Variants in KCNK4 observed in about 807,000 individuals in gnomAD.
The protein encoded by KCNK4 is potassium channel subfamily K member 4.
In KCNK4, 22 loss-of-function variants were observed where a neutral mutation model predicts 28.8. The ratio of observed to expected loss-of-function variants is 0.76; its 90% confidence interval spans 0.55 to 1.09. The LOEUF (loss-of-function observed/expected upper bound fraction) is 1.09, where lower values mean the gene tolerates loss of function less well. Ranked by LOEUF, KCNK4 falls within the 50% of genes least tolerant of loss-of-function variation. The pLI, the probability that KCNK4 is intolerant of heterozygous loss-of-function variation, is 0.00. For synonymous variants in KCNK4, 263 were observed against 252.9 expected (o/e 1.04, Z -0.38); for missense variants, 483 against 546.3 (o/e 0.88, Z 1.15).
rs137935680 is a variant in KCNK4, at chr11:64,296,924, C to T, written c.236C>T (p.Ser79Leu). 65 of 1,511,424 alleles carry T rather than the reference C, an allele frequency of 4.3e-5. No homozygotes were observed. The Middle Eastern group carries it at 7.2e-4, about 17-fold the overall frequency. 93.6% of individuals were successfully genotyped at this position (1,511,424 alleles called of 1,614,324 possible). Residue 79 changes from serine to leucine, a missense_variant, in exon 3 of 7, where the codon TCG becomes TTG. Physicochemically the swap from Ser to Leu is moderately radical, Grantham distance 145. Transcript: ENST00000422670. The stretch of plus-strand genomic sequence containing the variant: ...GGGGGTGCGGACCCAGAAACCAACT[C>T]GACCAGCAACAGCAGCCACTCAGCC... ...LGGGADPETN[S>L]TSNSSHSAWD...
chr11:64,295,307 G>GGGAT (rs2034738112), intron 2 of KCNK4, among the ~76,000 whole-genome samples: 1 of 152,170 alleles, frequency 6.6e-6, no homozygotes, highest in Admixed American at 6.5e-5. Context: ...AGGGGCCTGA[G>GGGAT]GGATGACCTG....
At chr11:64,299,290 G>T in intron 6 of KCNK4, 56 bp from the exon 7 acceptor site, 2 of 1,408,154 alleles carry the variant, frequency 1.4e-6, no homozygotes, top group South Asian at 1.5e-5. Context: ...GGTTCCCGGG[G>T]GGTCGCGGAG....
rs997130737 is a variant in KCNK4 at position 64,297,246 on chromosome 11, C to T, written c.441C>T (p.Arg147=). Residue 147 remains arginine, a synonymous_variant, in exon 4 of 7, where the codon CGC becomes CGT. Transcript: ENST00000422670. ...GVGDRLGSSL[R]HGIGHIEAIF... is the part of the protein sequence containing the mutation. ...GGGACCGGCTGGGCTCCTCCCTGCG[C>T]CATGGCATCGGTCACATTGAAGCCA... The T allele has an allele frequency of 3.1e-6, 5 of 1,613,580 alleles. No individual in the cohort carries two copies. The Admixed American group carries it at 6.7e-5, about 22-fold the overall frequency.
rs754793654 is a variant in KCNK4, at chr11:64,297,150, C to T, written c.345C>T (p.Ala115=). The change falls in exon 4 of 7, where the codon GCC becomes GCT. Residue 115 remains alanine, a synonymous_variant. Transcript: ENST00000422670. ...GCAATGTGGCCCTGCGCACAGATGC[C>T]GGGCGCCTCTTCTGCATCTTTTATG... ...GYGNVALRTD[A]GRLFCIFYAL... 32 of 1,614,018 alleles carry T rather than the reference C, an allele frequency of 2.0e-5. No individual in the cohort carries two copies. Among genetic ancestry groups the T allele is most frequent in the South Asian group, 1.3e-4 (12 of 91,090 alleles).
chr11:64,298,912 G>A (rs1377789258), intron 6 of KCNK4, among the ~76,000 whole-genome samples: 1 of 151,682 alleles, frequency 6.6e-6, no homozygotes, highest in Non-Finnish European at 1.5e-5. Context: ...GTGGTGGCGG[G>A]CGCCTGTAAT....
chr11:64,291,612 G>A (rs2034630659), intron 1 of KCNK4, 46 bp downstream of exon 1: 1 of 152,094 alleles, frequency 6.6e-6, no homozygotes, highest in Non-Finnish European at 1.5e-5. Flanking sequence ...CTGCACGGAG[G>A]GAAGCGCGGC....
Position 64,299,684 on chromosome 11 carries a change from C to T in KCNK4, c.1140C>T (p.Pro380=), listed in dbSNP as rs1463209527. 8 of 1,580,646 alleles carry T rather than the reference C, an allele frequency of 5.1e-6. No homozygotes were observed. The Admixed American group carries it at 1.3e-4, about 25-fold the overall frequency. The stretch of plus-strand genomic sequence containing the variant: ...ATCCCCCCAGGAAGCCCGTGCGGCC[C>T]CGCGGCCCCGGGCGTCCCCGAGACA... ...RPNPPRKPVR[P]RGPGRPRDKG... The change falls in exon 7 of 7, where the codon CCC becomes CCT. Residue 380 remains proline (P), a synonymous_variant. Coordinates refer to ENST00000422670, the MANE Select transcript of KCNK4 (RefSeq NM_033310.3).
Position 64,293,202 on chromosome 11 carries a change from A to G in KCNK4, c.184A>G (p.Ile62Val), listed in dbSNP as rs754420092. The change falls in exon 2 of 7, where the codon ATC (isoleucine) becomes GTC (valine). Residue 62 changes from isoleucine (I) to valine (V), a missense_variant. Physicochemically the swap from Ile to Val is conservative, Grantham distance 29. Coordinates refer to ENST00000422670, the MANE Select transcript of KCNK4 (RefSeq NM_033310.3). ...CVSDQELGLL[I>V]KEVADALGGG... ...GAGCGACCAGGAGCTGGGCCTCCTC[A>G]TCAAGGTGCGTGGGTGGGCCGCAGC... 1.4e-6 allele frequency: 2 copies of G among 1,463,032 alleles called. No homozygotes were observed. Among genetic ancestry groups the G allele is most frequent in the Non-Finnish European group, 1.8e-6 (2 of 1,100,324 alleles). The allele number at this position is 1,463,032 out of a possible 1,614,324, so 90.6% of individuals were successfully genotyped here. A position where few individuals can be genotyped will look rare whatever the true frequency, so the allele number is the denominator to read the frequency against.
Position 64,292,991 on chromosome 11 carries a change from T to C in KCNK4, c.-28T>C. The C allele has an allele frequency of 6.6e-7, 1 of 1,522,834 alleles. No homozygotes were observed. Among genetic ancestry groups the C allele is most frequent in the Non-Finnish European group, 8.8e-7 (1 of 1,136,652 alleles). The allele number at this position is 1,522,834 out of a possible 1,614,324, so 94.3% of individuals were successfully genotyped here. On this transcript the variant is annotated 5_prime_UTR_variant, in exon 2 of 7. Coordinates refer to ENST00000422670, the MANE Select transcript of KCNK4 (RefSeq NM_033310.3). ...CCGCCCGGCCCCTCCAGGCGGGCAG[T>C]GGAGCTGGCCCGGCGCCTGGGCGCG...
rs970842237 is a variant in KCNK4, at chr11:64,292,164, G to C, written c.-78+598G>C. On this transcript the variant is annotated intron_variant, in intron 1 of 6. Transcript: ENST00000422670. ...GGCGCGGCGCTGCAGCCTCGGGATGGAGCGTGGGCGCGCGGGTCTTTGTGC... is the reference window on the plus strand; with the variant it reads ...GGCGCGGCGCTGCAGCCTCGGGATGCAGCGTGGGCGCGCGGGTCTTTGTGC... 2.3e-5 allele frequency: 21 copies of C among 900,038 alleles called. No individual in the cohort carries two copies. The African/African-American group carries it at 3.6e-4, about 15-fold the overall frequency. The allele number at this position is 900,038 out of a possible 1,614,324, so 55.8% of individuals were successfully genotyped here. A position where few individuals can be genotyped will look rare whatever the true frequency, so the allele number is the denominator to read the frequency against.
chr11:64,298,339 C>G, intron 6 of KCNK4, 90 bp downstream of exon 6: 3 of 1,511,222 alleles, frequency 2.0e-6, no homozygotes, highest in East Asian at 2.3e-5. Context: ...GTCTCCTATC[C>G]AGGGCGTGGG....
chr11:64,299,527 C>T lies in KCNK4; in HGVS notation c.983C>T (p.Pro328Leu), dbSNP rs953778. ...CCTTCGCCCCCCGAGAAGGCTCAGC[C>T]GCCTTCCCCGCCCACGGCCTCGGCC... is the stretch of plus-strand genomic sequence containing the variant. The part of the protein sequence containing the change: ...RSPSPPEKAQ[P>L]PSPPTASALD... Residue 328 changes from proline to leucine, a missense_variant, in exon 7 of 7, where the codon CCG (proline) becomes CTG (leucine). Coordinates refer to ENST00000422670, the MANE Select transcript of KCNK4 (RefSeq NM_033310.3). 264,949 of 1,609,580 alleles carry T rather than the reference C, an allele frequency of 0.16. 26,460 individuals carry two copies. The highest frequency in any genetic ancestry group is 0.52 in the East Asian group (23,237 of 44,486).
intron 5 of KCNK4, 43 bp downstream of exon 5, chr11:64,297,696 T>C (rs1459203683): frequency 1.3e-6 from 2 of 1,579,220 alleles, no homozygotes; most frequent in Non-Finnish European, 1.7e-6. Context: ...ATCTACTTTA[T>C]TCCTGATCAG....
chr11:64,296,865 C>T lies in KCNK4; in HGVS notation c.190-13C>T. 6.6e-7 allele frequency: 1 copy of T among 1,508,324 alleles called. No individual in the cohort carries two copies. The highest frequency in any genetic ancestry group is 8.8e-7 in the Non-Finnish European group (1 of 1,130,222). 93.4% of individuals were successfully genotyped at this position (1,508,324 alleles called of 1,614,324 possible). The stretch of plus-strand genomic sequence containing the variant: ...AAGAACTGAAGCTCCTCCTTCTGCA[C>T]CTTGTCCTGCAGGAGGTGGCTGATG... On this transcript the variant is annotated splice_polypyrimidine_tract_variant and intron_variant, in intron 2 of 6. Transcript: ENST00000422670.
chr11:64,291,632 G>C (rs1379910669), intron 1 of KCNK4, 66 bp downstream of exon 1: 2 of 151,984 alleles, frequency 1.3e-5, no homozygotes, highest in Non-Finnish European at 2.9e-5. Context: ...CGCCGGAGGG[G>C]TTAACCGCGG....
rs202007564 is a variant in KCNK4 at position 64,297,024 on chromosome 11, G to A, written c.313+23G>A. On this transcript the variant is annotated intron_variant, in intron 3 of 6. Coordinates refer to ENST00000422670, the MANE Select transcript of KCNK4 (RefSeq NM_033310.3). Reference sequence around the variant, plus strand: ...TCGGTGGGGGAGGGGATTGGCATGTGGGGGGCGGCAAGGAGCTTCCTCATG... The same window carrying A: ...TCGGTGGGGGAGGGGATTGGCATGTAGGGGGCGGCAAGGAGCTTCCTCATG... The A allele has an allele frequency of 3.2e-6, 5 of 1,574,632 alleles. No homozygotes were observed. The East Asian group carries it at 6.8e-5, about 21-fold the overall frequency.
intron 6 of KCNK4, among the ~76,000 whole-genome samples, chr11:64,298,870 G>C (rs984770519): frequency 6.6e-6 from 1 of 151,574 alleles, no homozygotes; most frequent in Non-Finnish European, 1.5e-5. Flanking sequence ...GTGAAACCCC[G>C]TCTCTACTAA....
chr11:64,295,510 C>G (rs535191008), intron 2 of KCNK4, among the ~76,000 whole-genome samples: 10 of 152,226 alleles, frequency 6.6e-5, no homozygotes, highest in Admixed American at 5.9e-4. Context: ...GGATTTTTCC[C>G]TTAAGTCGTG....
chr11:64,291,899 T>G, intron 1 of KCNK4: 5 of 435,372 alleles, frequency 1.1e-5, no homozygotes, highest in Non-Finnish European at 1.7e-5. Flanking sequence ...CCGGGAGTGG[T>G]GTGGCCGCCG....
Sources: allele counts gnomAD v4.1 joint callset (sites outside exome capture counted in the v4.1 genomes callset), GRCh38; gene constraint gnomAD v4.1.1; transcripts MANE v1.5; gene names NCBI Gene and HGNC (gene_info 2026-07-23, HGNC 2026-07-21).